The following PCSK2 variants were observed in gnomAD, a reference collection of about 807,000 sequenced individuals.
PCSK2 encodes neuroendocrine convertase 2.
PCSK2 carries 14 observed loss-of-function variants against 69.7 expected under a neutral mutation model. The ratio of observed to expected loss-of-function variants is 0.20; its 90% CI spans 0.13 to 0.31. The LOEUF is 0.31. Ranked by LOEUF, PCSK2 falls within the 10% of genes least tolerant of loss-of-function variation. The probability of loss-of-function intolerance (pLI) is 1.00; values close to 1 mark genes in which losing one functional copy is unlikely to be tolerated. For synonymous variants in PCSK2, 307 were observed against 320.7 expected (o/e 0.96, Z 0.46); for missense variants, 544 against 842.5 (o/e 0.65, Z 4.39).
At chr20:17,257,659 G>A (rs1180705760) in intron 1 of PCSK2, among the ~76,000 whole-genome samples, 2 of 152,176 alleles carry the variant, frequency 1.3e-5, no homozygotes, top group Non-Finnish European at 2.9e-5. Flanking sequence ...AAGGGGCTCT[G>A]TTGTGTATAT....
At chr20:17,286,964 C>T (rs1471016915) in intron 2 of PCSK2, among the ~76,000 whole-genome samples, 1 of 152,220 alleles carries the variant, frequency 6.6e-6, no homozygotes, top group African/African-American at 2.4e-5. Context: ...ATCTGCAGGG[C>T]AGGCCAGCAG....
chr20:17,244,472 T>A (rs1986699235), intron 1 of PCSK2, among the ~76,000 whole-genome samples: 1 of 152,214 alleles, frequency 6.6e-6, no homozygotes, highest in Admixed American at 6.5e-5. Flanking sequence ...GTAATCCAGA[T>A]GTCAACTAGA....
chr20:17,289,940 T>C (rs1452951731), intron 2 of PCSK2, among the ~76,000 whole-genome samples: 1 of 152,250 alleles, frequency 6.6e-6, no homozygotes, highest in Non-Finnish European at 1.5e-5. Flanking sequence ...TACATCTGAT[T>C]ATTTGCAGAA....
chr20:17,467,306 A>T (rs2033120393), intron 11 of PCSK2, among the ~76,000 whole-genome samples: 1 of 152,190 alleles, frequency 6.6e-6, no homozygotes, highest in Admixed American at 6.5e-5. Flanking sequence ...ATGTTCTCCA[A>T]ATTCATTAGA....
At chr20:17,289,437 G>C (rs564415037) in intron 2 of PCSK2, among the ~76,000 whole-genome samples, 9 of 152,178 alleles carry the variant, frequency 5.9e-5, no homozygotes, top group African/African-American at 2.2e-4. Flanking sequence ...TGTGGAGATG[G>C]GGTATATGGG....
chr20:17,320,164 T>C (rs1049933229), intron 2 of PCSK2, among the ~76,000 whole-genome samples: 1 of 152,176 alleles, frequency 6.6e-6, no homozygotes, highest in Non-Finnish European at 1.5e-5. Flanking sequence ...CAAACTTCAA[T>C]GTGCACATGA....
intron 6 of PCSK2, among the ~76,000 whole-genome samples, chr20:17,418,384 C>A (rs62201049): frequency 0.083 from 12,540 of 151,972 alleles, 600 homozygotes; most frequent in Middle Eastern, 0.22. Flanking sequence ...TATCCCAGGG[C>A]AAGGATATAA....
At chr20:17,251,317 T>A (rs1986969615) in intron 1 of PCSK2, among the ~76,000 whole-genome samples, 1 of 152,190 alleles carries the variant, frequency 6.6e-6, no homozygotes, top group African/African-American at 2.4e-5. Context: ...AGAAAACATT[T>A]AAGAACCATT....
intron 2 of PCSK2, among the ~76,000 whole-genome samples, chr20:17,321,337 CCATG>C: frequency 1.3e-5 from 2 of 152,206 alleles, no homozygotes; most frequent in Non-Finnish European, 2.9e-5. Flanking sequence ...AGCAGCCCAT[CCATG>C]AAAGGCACAC....
intron 6 of PCSK2, among the ~76,000 whole-genome samples, chr20:17,410,660 T>C (rs949866489): frequency 2.0e-5 from 3 of 152,172 alleles, no homozygotes; most frequent in African/African-American, 7.2e-5. Flanking sequence ...ATAAAAAAGG[T>C]CTGAAAACTT....
At chr20:17,442,036 C>T (rs1407969908) in intron 8 of PCSK2, among the ~76,000 whole-genome samples, 1 of 137,396 alleles carries the variant, frequency 7.3e-6, no homozygotes, top group Admixed American at 7.2e-5. Context: ...AAAAAAAGAA[C>T]AGGAACATCT....
chr20:17,394,499 C>G (rs1189895034), intron 5 of PCSK2, among the ~76,000 whole-genome samples: 2 of 152,180 alleles, frequency 1.3e-5, no homozygotes, highest in Non-Finnish European at 2.9e-5. Context: ...CATCTATTCA[C>G]TGCAGAGTGT....
chr20:17,314,869 T>G (rs1330581596), intron 2 of PCSK2, among the ~76,000 whole-genome samples: 1 of 152,226 alleles, frequency 6.6e-6, no homozygotes, highest in East Asian at 1.9e-4. Context: ...CCTTTCATGC[T>G]TGCTGTGTCT....
At chr20:17,253,117 A>G (rs1987051351) in intron 1 of PCSK2, among the ~76,000 whole-genome samples, 1 of 152,204 alleles carries the variant, frequency 6.6e-6, no homozygotes, top group South Asian at 2.1e-4. Flanking sequence ...TTGAATTCCT[A>G]GGATATATCC....
At chr20:17,316,393 A>G (rs1262657175) in intron 2 of PCSK2, among the ~76,000 whole-genome samples, 1 of 152,254 alleles carries the variant, frequency 6.6e-6, no homozygotes, top group South Asian at 2.1e-4. Context: ...CTCTGGGCAC[A>G]TAGAGGTGAA....
At chr20:17,250,323 C>G (rs1247992536) in intron 1 of PCSK2, among the ~76,000 whole-genome samples, 8 of 152,138 alleles carry the variant, frequency 5.3e-5, no homozygotes, top group African/African-American at 1.9e-4. Context: ...TTAAAGAGTA[C>G]TGGTCAGTTA....
chr20:17,303,490 T>A (rs1318244335), intron 2 of PCSK2, among the ~76,000 whole-genome samples: 4 of 52,566 alleles, frequency 7.6e-5, no homozygotes, highest in East Asian at 5.9e-4. Flanking sequence ...ATATATATTA[T>A]ATTTAATATA....
intron 4 of PCSK2, among the ~76,000 whole-genome samples, chr20:17,363,420 G>T (rs2030472996): frequency 6.6e-6 from 1 of 152,192 alleles, no homozygotes; most frequent in African/African-American, 2.4e-5. Context: ...TATTTCTTAA[G>T]GGTCTACTAG....
At chr20:17,305,745 A>G (rs902727295) in intron 2 of PCSK2, among the ~76,000 whole-genome samples, 3 of 152,254 alleles carry the variant, frequency 2.0e-5, no homozygotes, top group African/African-American at 7.2e-5. Flanking sequence ...CATTCCTAGC[A>G]TTTGCAATGG....
Sources: gnomAD v4.1 joint callset for allele counts (sites outside exome capture counted in the v4.1 genomes callset) on GRCh38, gnomAD v4.1.1 for gene constraint, MANE v1.5 for transcripts, NCBI Gene and HGNC (gene_info 2026-07-23, HGNC 2026-07-21) for gene names.